HPSE2: variants seen among roughly 807,000 people sequenced by gnomAD.
HPSE2 encodes heparanase 2 (inactive), also known as inactive heparanase-2.
Under a neutral mutation model 60.5 loss-of-function variants are expected in HPSE2, and 38 were observed. The observed-to-expected ratio is 0.63, with a 90% CI of 0.48 to 0.82. The LOEUF (loss-of-function observed/expected upper bound fraction) is 0.82. Ranked by LOEUF, HPSE2 falls within the 40% of genes least tolerant of loss-of-function variation. The pLI, the probability that HPSE2 is intolerant of heterozygous loss-of-function variation, is 0.00. For synonymous variants in HPSE2, 295 were observed against 293.2 expected, an observed-to-expected ratio of 1.01 and a Z score of -0.06; for missense variants, 713 against 740.4, an observed-to-expected ratio of 0.96 and a Z score of 0.43.
rs555739192 is a variant in HPSE2 at position 98,474,620 on chromosome 10, G to GA, written c.1613+8015dup. ...GCAAAAGTTATATCCCAGAGAGATG[G>GA]AAAAAATGAGCAGTATGTGGAAAAA... On this transcript the variant is annotated intron_variant, in intron 11 of 11. Transcript: ENST00000370552. Among the ~76,000 whole-genome samples, 11 of 152,018 alleles carry GA rather than the reference G, an allele frequency of 7.2e-5. No homozygotes were observed. In the South Asian group the frequency reaches 2.3e-3, roughly 32 times the overall value.
At chr10:98,739,469 A>G (rs566932630) in intron 4 of HPSE2, among the ~76,000 whole-genome samples, 11 of 152,096 alleles carry the variant, frequency 7.2e-5, no homozygotes, top group Non-Finnish European at 1.5e-4. Context: ...AGAAGAAGAA[A>G]AAAAGAAAAA....
chr10:98,581,979 T>C (rs533735470), intron 9 of HPSE2, among the ~76,000 whole-genome samples: 31 of 148,866 alleles, frequency 2.1e-4, no homozygotes, highest in Non-Finnish European at 4.1e-4. Flanking sequence ...ACATGTTCCT[T>C]GTGAGAATGA....
At chr10:98,836,163 C>T (rs1951785750) in intron 3 of HPSE2, among the ~76,000 whole-genome samples, 1 of 152,204 alleles carries the variant, frequency 6.6e-6, no homozygotes, top group Admixed American at 6.5e-5. Context: ...AGCTCACTCC[C>T]TCTGCTTAGC....
At chr10:98,754,704 C>T (rs979049153) in intron 3 of HPSE2, among the ~76,000 whole-genome samples, 19 of 148,924 alleles carry the variant, frequency 1.3e-4, no homozygotes, top group Non-Finnish European at 2.4e-4. Flanking sequence ...CACCTGTAGT[C>T]AGCATTCTTA....
the HPSE2 span, among the ~76,000 whole-genome samples, chr10:99,303,010 T>G: frequency 3.3e-5 from 5 of 151,994 alleles, no homozygotes; most frequent in African/African-American, 1.2e-4. Flanking sequence ...GTGTCCAGAT[T>G]TTTACTTAAA....
At chr10:98,914,896 T>G (rs1190642856) in intron 3 of HPSE2, among the ~76,000 whole-genome samples, 1 of 151,320 alleles carries the variant, frequency 6.6e-6, no homozygotes, top group Non-Finnish European at 1.5e-5. Context: ...CCGACTCCTA[T>G]GACAAAGATC....
intron 3 of HPSE2, among the ~76,000 whole-genome samples, chr10:99,032,059 C>T (rs914102637): frequency 6.6e-6 from 1 of 152,146 alleles, no homozygotes; most frequent in East Asian, 1.9e-4. Context: ...ACATATATCT[C>T]GCTTAAATAT....
At chr10:98,809,915 T>C (rs183354912) in intron 3 of HPSE2, among the ~76,000 whole-genome samples, 2 of 151,344 alleles carry the variant, frequency 1.3e-5, no homozygotes, top group Admixed American at 1.3e-4. Flanking sequence ...TTTTACTTAA[T>C]TCTTTGATCT....
chr10:98,923,019 T>G, intron 3 of HPSE2, among the ~76,000 whole-genome samples: 1 of 152,232 alleles, frequency 6.6e-6, no homozygotes, highest in East Asian at 1.9e-4. Context: ...TGATATCTTG[T>G]TGCTCAATAA....
intron 9 of HPSE2, among the ~76,000 whole-genome samples, chr10:98,574,690 TCGA>T (rs1331247380): frequency 7.7e-5 from 3 of 38,998 alleles, no homozygotes; most frequent in Non-Finnish European, 2.9e-4. Context: ...TGCATTGGCA[TCGA>T]GAAGAAGGTC....
At chr10:98,930,187 C>T (rs1337535409) in intron 3 of HPSE2, among the ~76,000 whole-genome samples, 3 of 143,534 alleles carry the variant, frequency 2.1e-5, no homozygotes, top group Non-Finnish European at 4.5e-5. Context: ...TCCCTGTGTC[C>T]ATGTGTTCTC....
At chr10:98,518,407 A>C (rs1222561125) in intron 9 of HPSE2, among the ~76,000 whole-genome samples, 1 of 152,178 alleles carries the variant, frequency 6.6e-6, no homozygotes, top group Non-Finnish European at 1.5e-5. Context: ...CAGAATCCTC[A>C]TGTATAAAAC....
chr10:98,740,723 T>A (rs141661498), intron 4 of HPSE2, among the ~76,000 whole-genome samples: 1 of 152,214 alleles, frequency 6.6e-6, no homozygotes, highest in Non-Finnish European at 1.5e-5. Flanking sequence ...GGTGTAGGTA[T>A]ATGGAAAGAT....
chr10:98,693,227 C>A (rs914547281), intron 6 of HPSE2, among the ~76,000 whole-genome samples: 2 of 152,180 alleles, frequency 1.3e-5, no homozygotes, highest in African/African-American at 4.8e-5. Flanking sequence ...TTCCAGTATA[C>A]AATTAGTGAG....
chr10:98,912,437 G>T (rs1954005303), intron 3 of HPSE2, among the ~76,000 whole-genome samples: 1 of 152,146 alleles, frequency 6.6e-6, no homozygotes, highest in African/African-American at 2.4e-5. Flanking sequence ...CAATCCCACT[G>T]CTGGGCATAT....
At chr10:98,602,461 C>A (rs1360726280) in intron 9 of HPSE2, among the ~76,000 whole-genome samples, 1 of 152,080 alleles carries the variant, frequency 6.6e-6, no homozygotes, top group African/African-American at 2.4e-5. Flanking sequence ...AGTAACTAAA[C>A]CAGTCTTGAA....
At chr10:98,791,096 T>C (rs985968982) in intron 3 of HPSE2, among the ~76,000 whole-genome samples, 1 of 152,210 alleles carries the variant, frequency 6.6e-6, no homozygotes, top group African/African-American at 2.4e-5. Context: ...TTTATTGTTA[T>C]AGAACAAAGA....
At chr10:99,056,993 G>C (rs529766876) in intron 3 of HPSE2, among the ~76,000 whole-genome samples, 1 of 152,120 alleles carries the variant, frequency 6.6e-6, no homozygotes, top group African/African-American at 2.4e-5. Flanking sequence ...AAAAGAGTAC[G>C]TATGAAGTAT....
chr10:99,066,925 G>A lies in HPSE2; in HGVS notation c.610+77313C>T, dbSNP rs572210437. Among the ~76,000 whole-genome samples, 50 of 152,196 alleles carry A rather than the reference G, an allele frequency of 3.3e-4. 1 individual carries two copies. Among genetic ancestry groups the A allele is most frequent in the Middle Eastern group, 3.4e-3 (1 of 294 alleles). ...GACAAGGTAAGTCCTTTCCACCTATGAGCCTGTAAAATCAAAAGCAAGTTA... is the reference window on the plus strand; with the variant it reads ...GACAAGGTAAGTCCTTTCCACCTATAAGCCTGTAAAATCAAAAGCAAGTTA... On this transcript the variant is annotated intron_variant, in intron 3 of 11. Coordinates refer to ENST00000370552, the MANE Select transcript of HPSE2 (RefSeq NM_021828.5).
Sources: allele counts gnomAD v4.1 joint callset (sites outside exome capture counted in the v4.1 genomes callset), GRCh38; gene constraint gnomAD v4.1.1; transcripts MANE v1.5; gene names NCBI Gene and HGNC (gene_info 2026-07-23, HGNC 2026-07-21).